SNTG1: variants seen among roughly 807,000 people sequenced by gnomAD.
SNTG1 encodes syntrophin gamma 1.
In SNTG1, 39 loss-of-function variants were observed where a neutral mutation model predicts 74.7. The observed-to-expected ratio is 0.52, with a 90% CI of 0.40 to 0.68. SNTG1 has a LOEUF of 0.68. Ranked by LOEUF, SNTG1 falls within the 30% of genes least tolerant of loss-of-function variation. The pLI, the probability that SNTG1 is intolerant of heterozygous loss-of-function variation, is 0.00. For synonymous variants in SNTG1, 254 were observed against 217.1 expected (o/e 1.17, Z -1.49); for missense variants, 685 against 609.5 (o/e 1.12, Z -1.30).
intron 1 of SNTG1, among the ~76,000 whole-genome samples, chr8:50,051,966 T>C (rs1297970381): frequency 1.3e-5 from 2 of 152,084 alleles, no homozygotes; most frequent in Admixed American, 6.6e-5. Context: ...ATTTTAATAT[T>C]GTTAAGATGT....
intron 16 of SNTG1, among the ~76,000 whole-genome samples, chr8:50,705,170 G>C (rs1159777957): frequency 1.3e-5 from 2 of 152,092 alleles, no homozygotes; most frequent in Non-Finnish European, 1.5e-5. Context: ...GCCACACAGA[G>C]TTTTTGAGAC....
At chr8:50,616,781 C>A (rs952068323) in intron 13 of SNTG1, among the ~76,000 whole-genome samples, 4 of 152,156 alleles carry the variant, frequency 2.6e-5, no homozygotes, top group African/African-American at 9.7e-5. Context: ...CATTAACAGA[C>A]CAGAGGCAGG....
intron 8 of SNTG1, among the ~76,000 whole-genome samples, chr8:50,464,608 G>A (rs183371684): frequency 1.3e-3 from 197 of 151,988 alleles, no homozygotes; most frequent in African/African-American, 4.5e-3. Context: ...AATTATAATA[G>A]CAACAACTAA....
chr8:50,225,116 G>A lies in SNTG1; in HGVS notation c.-28+52481G>A, dbSNP rs146180190. 3.9e-3 allele frequency among the ~76,000 whole-genome samples: 586 copies of A among 151,940 alleles called. 5 individuals carry two copies. Among genetic ancestry groups the A allele is most frequent in the African/African-American group, 0.013 (548 of 41,452 alleles). On this transcript the variant is annotated intron_variant, in intron 2 of 18. Transcript: ENST00000642720. ...CTCCTGAGTAGCTGGGACTACAGGCGCCCACCACCACGTCCAGCTAATTTT... is the reference window on the plus strand; with the variant it reads ...CTCCTGAGTAGCTGGGACTACAGGCACCCACCACCACGTCCAGCTAATTTT...
At chr8:50,786,788 A>T (rs143022036) in intron 18 of SNTG1, among the ~76,000 whole-genome samples, 51 of 152,160 alleles carry the variant, frequency 3.4e-4, no homozygotes, top group African/African-American at 1.2e-3. Flanking sequence ...CGGTTATTGA[A>T]TCCAAAAAAT....
chr8:50,402,411 C>A, intron 4 of SNTG1, 67 bp downstream of exon 4: 1 of 1,506,272 alleles, frequency 6.6e-7, no homozygotes, highest in Non-Finnish European at 8.9e-7. Flanking sequence ...TGTTTATTCA[C>A]AGGGCATTTT....
chr8:50,023,379 T>C (rs547915339), intron 1 of SNTG1, among the ~76,000 whole-genome samples: 6 of 152,200 alleles, frequency 3.9e-5, no homozygotes, highest in African/African-American at 1.4e-4. Flanking sequence ...GAAGAGATAT[T>C]TTAATCCTCA....
intron 4 of SNTG1, among the ~76,000 whole-genome samples, chr8:50,422,036 G>A (rs1297825341): frequency 1.3e-5 from 2 of 152,096 alleles, no homozygotes; most frequent in Non-Finnish European, 2.9e-5. Context: ...TTTTAAAAAT[G>A]TCACACACTC....
chr8:50,307,894 G>T (rs2130726696), intron 2 of SNTG1, among the ~76,000 whole-genome samples: 1 of 152,206 alleles, frequency 6.6e-6, no homozygotes, highest in East Asian at 1.9e-4. Context: ...GTTGCCCTGT[G>T]AATTGTTTTA....
chr8:50,650,183 A>T lies in SNTG1; in HGVS notation c.850-6726A>T, dbSNP rs114935683. 2.8e-3 allele frequency among the ~76,000 whole-genome samples: 419 copies of T among 152,184 alleles called. 2 individuals are homozygous for T. Among genetic ancestry groups the T allele is most frequent in the African/African-American group, 9.2e-3 (382 of 41,554 alleles). On this transcript the variant is annotated intron_variant, in intron 13 of 18. Coordinates refer to ENST00000642720, the MANE Select transcript of SNTG1 (RefSeq NM_018967.5). Reference sequence around the variant, plus strand: ...TCTATTTTAAAGACAATTTCTATTTATAATTTAAAGATTCTATCATGAATA... The same window carrying T: ...TCTATTTTAAAGACAATTTCTATTTTTAATTTAAAGATTCTATCATGAATA...
At chr8:50,333,760 T>C (rs1282333240) in intron 2 of SNTG1, among the ~76,000 whole-genome samples, 2 of 152,272 alleles carry the variant, frequency 1.3e-5, no homozygotes, top group Non-Finnish European at 2.9e-5. Context: ...AACGTTCCCT[T>C]GATTGACCAA....
At chr8:50,550,452 G>C (rs1370365199) in intron 11 of SNTG1, among the ~76,000 whole-genome samples, 1 of 152,162 alleles carries the variant, frequency 6.6e-6, no homozygotes, top group African/African-American at 2.4e-5. Context: ...GCTTATGTTA[G>C]GTTGAAAATT....
intron 4 of SNTG1, among the ~76,000 whole-genome samples, chr8:50,433,616 G>A (rs1190927012): frequency 6.6e-6 from 1 of 151,176 alleles, no homozygotes; most frequent in African/African-American, 2.4e-5. Flanking sequence ...TTTACATTTT[G>A]ATTTTCTCAT....
At chr8:50,590,845 T>A (rs2094686890) in intron 12 of SNTG1, 34 bp from the exon 13 acceptor site, 1 of 1,415,472 alleles carries the variant, frequency 7.1e-7, no homozygotes, top group South Asian at 1.3e-5. Context: ...CATCTATTGT[T>A]CTTCTCACTT....
intron 13 of SNTG1, among the ~76,000 whole-genome samples, chr8:50,631,934 A>G (rs541403669): frequency 5.9e-5 from 9 of 152,354 alleles, no homozygotes; most frequent in East Asian, 1.9e-4. Context: ...CACGTCTGCT[A>G]TATTTTACTA....
At chr8:50,015,968 T>C (rs1416869507) in intron 1 of SNTG1, among the ~76,000 whole-genome samples, 3 of 152,104 alleles carry the variant, frequency 2.0e-5, no homozygotes, top group East Asian at 1.9e-4. Context: ...TTGGGTGTTG[T>C]TGTGGAGAAG....
At chr8:50,167,871 A>G (rs1260766894) in intron 1 of SNTG1, among the ~76,000 whole-genome samples, 2 of 151,766 alleles carry the variant, frequency 1.3e-5, no homozygotes, top group African/African-American at 4.8e-5. Context: ...TGTTTCACTC[A>G]AGTATTATTT....
chr8:50,775,693 C>T (rs1467513038), intron 18 of SNTG1, among the ~76,000 whole-genome samples: 6 of 151,438 alleles, frequency 4.0e-5, no homozygotes. Flanking sequence ...ACTCTTTTAC[C>T]AATTGTTAAG....
At position 50,474,732 on chromosome 8, in the gene SNTG1, T is replaced by A. The variant is rs527748642; in HGVS notation, c.363+24003T>A. Among the ~76,000 whole-genome samples, 3 of 152,272 alleles carry A rather than the reference T, an allele frequency of 2.0e-5. No homozygotes were observed. The East Asian group carries it at 5.8e-4, about 29-fold the overall frequency. On this transcript the variant is annotated intron_variant, in intron 8 of 18. Coordinates refer to ENST00000642720, the MANE Select transcript of SNTG1 (RefSeq NM_018967.5). Reference sequence around the variant, plus strand: ...CCCAGCAATCCCATTACTGGGTATCTACCCAAAAGATTATAAATCATGCTG... The same window carrying A: ...CCCAGCAATCCCATTACTGGGTATCAACCCAAAAGATTATAAATCATGCTG...
Sources: gnomAD v4.1 joint callset for allele counts (sites outside exome capture counted in the v4.1 genomes callset) on GRCh38, gnomAD v4.1.1 for gene constraint, MANE v1.5 for transcripts, NCBI Gene and HGNC (gene_info 2026-07-23, HGNC 2026-07-21) for gene names.